The following TGM7 variants were observed in gnomAD, a reference collection of about 807,000 sequenced individuals.
TGM7 encodes the protein transglutaminase 7.
A neutral mutation model predicts 79.5 loss-of-function variants in TGM7; 74 were observed. The observed-to-expected ratio is 0.93, with a 90% confidence interval of 0.77 to 1.13. The LOEUF is 1.13. Ranked by LOEUF, TGM7 falls within the 50% of genes most tolerant of loss-of-function variation. The pLI, the probability that TGM7 is intolerant of heterozygous loss-of-function variation, is 0.00. For missense variants in TGM7, 912 were observed against 905.9 expected (o/e 1.01, Z -0.09); for synonymous variants, 354 against 362.5 (o/e 0.98, Z 0.27).
chr15:43,277,069 C>T, intron 11 of TGM7, 74 bp from the exon 12 acceptor site: 1 of 1,561,904 alleles, frequency 6.4e-7, no homozygotes, highest in Non-Finnish European at 8.6e-7. Flanking sequence ...TACCCCCACC[C>T]CCAGGTCCCT....
chr15:43,276,811 C>T, intron 12 of TGM7, 51 bp downstream of exon 12: 1 of 1,598,352 alleles, frequency 6.3e-7, no homozygotes, highest in Non-Finnish European at 8.5e-7. Flanking sequence ...CGCCATGGGG[C>T]ACCCCTTTCC....
chr15:43,277,043 T>C, intron 11 of TGM7, 48 bp from the exon 12 acceptor site: 1 of 1,600,490 alleles, frequency 6.2e-7, no homozygotes, highest in Non-Finnish European at 8.5e-7. Context: ...GCCTCGCTTC[T>C]GCACTCTGGT....
At chr15:43,293,702 C>T (rs557049157) in intron 1 of TGM7, 71 bp from the exon 2 acceptor site, 5 of 1,251,874 alleles carry the variant, frequency 4.0e-6, no homozygotes, top group Admixed American at 2.7e-5. Flanking sequence ...TGTGGCTTCT[C>T]AGTCATTTCT....
intron 6 of TGM7, among the ~76,000 whole-genome samples, chr15:43,285,505 C>G (rs774958031): frequency 6.6e-6 from 1 of 152,094 alleles, no homozygotes; most frequent in African/African-American, 2.4e-5. Flanking sequence ...AGGTTTGTTA[C>G]GTGGGTAAAC....
chr15:43,294,845 A>G (rs1202816546), intron 1 of TGM7, among the ~76,000 whole-genome samples: 1 of 151,740 alleles, frequency 6.6e-6, no homozygotes, highest in Non-Finnish European at 1.5e-5. Context: ...TGCCATTTGT[A>G]TTTTGAACTT....
intron 9 of TGM7, 96 bp from the exon 10 acceptor site, chr15:43,280,047 G>A: frequency 3.3e-6 from 4 of 1,203,814 alleles, no homozygotes; most frequent in Non-Finnish European, 4.7e-6. Context: ...AGCAGCACAG[G>A]GAGGCGGCGC....
intron 1 of TGM7, 24 bp from the exon 2 acceptor site, chr15:43,293,655 C>T: frequency 6.4e-7 from 1 of 1,571,476 alleles, no homozygotes; most frequent in Non-Finnish European, 8.6e-7. Flanking sequence ...GGGGACAGGT[C>T]ACGCCCACCT....
At chr15:43,292,292 A>G (rs912994445) in intron 3 of TGM7, among the ~76,000 whole-genome samples, 195 bp from the exon 4 acceptor site, 1 of 152,230 alleles carries the variant, frequency 6.6e-6, no homozygotes, top group Non-Finnish European at 1.5e-5. Context: ...TACAATGTAC[A>G]CTTTAAAAAC....
chr15:43,279,635 G>A lies in TGM7; in HGVS notation c.1668C>T (p.Asp556=). The A allele has an allele frequency of 6.3e-7, 1 of 1,589,170 alleles. No homozygotes were observed. The highest frequency in any genetic ancestry group is 1.1e-5 in the South Asian group (1 of 88,330). ...CTGCCTCACACTCACCCTTCCCAAA[G>A]TCCAGGTTCATCCGCACTGTGTGCC... The part of the protein sequence containing the change: ...FWRHTVRMNL[D]FGKETQWPLL... The change falls in exon 10 of 13, where the codon GAC becomes GAT. Residue 556 remains aspartate (D), a synonymous_variant. Transcript: ENST00000452443.
intron 10 of TGM7, 142 bp from the exon 11 acceptor site, chr15:43,279,419 C>G: frequency 8.7e-7 from 1 of 1,144,114 alleles, no homozygotes; most frequent in Non-Finnish European, 1.2e-6. Flanking sequence ...CGTCCCACCA[C>G]GCACACACTG....
intron 3 of TGM7, 93 bp downstream of exon 3, chr15:43,292,616 T>C (rs898532716): frequency 1.3e-6 from 2 of 1,494,342 alleles, no homozygotes; most frequent in Non-Finnish European, 1.8e-6. Flanking sequence ...TGCATAGCTA[T>C]GTGGCGATTT....
Position 43,281,871 on chromosome 15 carries a change from T to C in TGM7, c.1324A>G (p.Ile442Val). Residue 442 changes from isoleucine to valine, a missense_variant, in exon 9 of 13, where the codon ATC becomes GTC. Transcript: ENST00000452443. ...KMVGSDQRQS[I>V]TSSYKYPEGS... ...TCTGGGTACTTGTAGGAGCTGGTGA[T>C]GCTCTGGCGCTGGTCTGACCCCACC... is the stretch of plus-strand genomic sequence containing the variant. 6.2e-7 allele frequency: 1 copy of C among 1,614,240 alleles called. No homozygotes were observed. Among genetic ancestry groups the C allele is most frequent in the South Asian group, 1.1e-5 (1 of 91,080 alleles).
intron 1 of TGM7, among the ~76,000 whole-genome samples, chr15:43,298,232 A>G (rs1239548006): frequency 3.9e-5 from 6 of 152,142 alleles, no homozygotes; most frequent in African/African-American, 1.4e-4. Flanking sequence ...CTGAATGGAT[A>G]GACACACATG....
rs768719413 is a variant in TGM7 at position 43,281,988 on chromosome 15, C to T, written c.1207G>A (p.Asp403Asn). ...TPFVYAEVNA[D>N]EVIWLLGDGQ... ...TCCCCAAGGAGCCAAATGACTTCAT[C>T]GGCGTTCACCTCGGCATACACAAAA... Residue 403 changes from aspartate (D) to asparagine (N), a missense_variant, in exon 9 of 13, where the codon GAT becomes AAT. Transcript: ENST00000452443. The T allele has an allele frequency of 4.8e-5, 78 of 1,614,160 alleles. No individual in the cohort carries two copies. The highest frequency in any genetic ancestry group is 6.5e-5 in the Non-Finnish European group (77 of 1,180,024).
intron 4 of TGM7, among the ~76,000 whole-genome samples, chr15:43,291,172 C>T (rs1003899046): frequency 5.9e-5 from 9 of 152,174 alleles, no homozygotes; most frequent in Non-Finnish European, 1.2e-4. Flanking sequence ...CCAGTTTTTG[C>T]CCATTCAGTA....
At chr15:43,277,445 C>T (rs760156167) in intron 11 of TGM7, among the ~76,000 whole-genome samples, 1 of 152,216 alleles carries the variant, frequency 6.6e-6, no homozygotes, top group Non-Finnish European at 1.5e-5. Flanking sequence ...CCTGCCCTTA[C>T]GCTCATCACC....
At chr15:43,292,125 CA>C in intron 3 of TGM7, 28 bp from the exon 4 acceptor site, 1 of 1,508,846 alleles carries the variant, frequency 6.6e-7, no homozygotes, top group Non-Finnish European at 9.2e-7. Context: ...GTGGAGGGGG[CA>C]AAACCCCAAA....
In TGM7 at chr15:43,292,823, C is replaced by T. The variant is rs777130001; in HGVS notation, c.325G>A (p.Ala109Thr). 1.1e-4 allele frequency: 177 copies of T among 1,614,092 alleles called. No individual in the cohort carries two copies. The highest frequency in any genetic ancestry group is 1.4e-4 in the Non-Finnish European group (171 of 1,180,032). Reference sequence around the variant, plus strand: ...GTGTAATGGCCAATAACTGCATTGGCTGGTGTGAAAAGGGAAACTTGGAGA... The same window carrying T: ...GTGTAATGGCCAATAACTGCATTGGTTGGTGTGAAAAGGGAAACTTGGAGA... ...NSLQVSLFTP[A>T]NAVIGHYTLK... The change falls in exon 3 of 13, where the codon GCC (alanine) becomes ACC (threonine). Residue 109 changes from alanine (A) to threonine (T), a missense_variant. Coordinates refer to ENST00000452443, the MANE Select transcript of TGM7 (RefSeq NM_052955.3).
chr15:43,279,550 G>T, intron 10 of TGM7, 75 bp downstream of exon 10: 1 of 1,488,560 alleles, frequency 6.7e-7, no homozygotes, highest in Non-Finnish European at 9.0e-7. Context: ...AATCTGGCTG[G>T]GCCCACCCCA....
Sources: allele counts gnomAD v4.1 joint callset (sites outside exome capture counted in the v4.1 genomes callset), GRCh38; gene constraint gnomAD v4.1.1; transcripts MANE v1.5; gene names NCBI Gene and HGNC (gene_info 2026-07-23, HGNC 2026-07-21).